The following ANO5 variants were observed in gnomAD, a reference collection of about 807,000 sequenced individuals.
ANO5 encodes the protein anoctamin-5.
ANO5 carries 109 observed loss-of-function variants against 121.0 expected under a neutral mutation model. The ratio of observed to expected loss-of-function variants is 0.90; its 90% CI spans 0.77 to 1.06. The LOEUF is 1.06. Among genes scored for constraint, ANO5 ranks in the 50% least tolerant of loss-of-function variants. The pLI, the probability that ANO5 is intolerant of heterozygous loss-of-function variation, is 0.00. For synonymous variants in ANO5, 406 were observed against 359.9 expected, an observed-to-expected ratio of 1.13 and a Z score of -1.45; for missense variants, 1,064 against 1,078.5, an observed-to-expected ratio of 0.99 and a Z score of 0.19.
At chr11:22,276,609 A>C (rs1854861704) in intron 21 of ANO5, among the ~76,000 whole-genome samples, 1 of 151,762 alleles carries the variant, frequency 6.6e-6, no homozygotes, top group Non-Finnish European at 1.5e-5. Context: ...AGCTGGCTTA[A>C]CGTTAACTAA....
intron 7 of ANO5, among the ~76,000 whole-genome samples, chr11:22,233,407 T>A (rs911788374): frequency 4.6e-5 from 7 of 151,876 alleles, no homozygotes; most frequent in African/African-American, 1.2e-4. Context: ...ATTTAAAAAA[T>A]ATATATAAAT....
intron 8 of ANO5, among the ~76,000 whole-genome samples, chr11:22,238,827 G>A (rs1293582884): frequency 1.3e-5 from 2 of 151,978 alleles, no homozygotes; most frequent in Middle Eastern, 3.4e-3. Flanking sequence ...GTGCCATGTT[G>A]GTGTGCTGCA....
chr11:22,199,653 G>C (rs986413927), intron 1 of ANO5, among the ~76,000 whole-genome samples: 11 of 152,018 alleles, frequency 7.2e-5, no homozygotes, highest in Non-Finnish European at 1.0e-4. Flanking sequence ...AGTGATAAGA[G>C]TGCATTGTTC....
In ANO5 at chr11:22,203,784, CTCTT is replaced by C. The variant is rs746608278; in HGVS notation, c.41-15_41-12del. 8.5e-5 allele frequency: 120 copies of C among 1,415,142 alleles called. 1 individual carries two copies. In the East Asian group the frequency reaches 9.5e-4, roughly 11 times the overall value. The allele number at this position is 1,415,142 out of a possible 1,614,324, so 87.7% of individuals were successfully genotyped here. Reference sequence around the variant, plus strand: ...TCAGTGGCTAATTTAACATGTTTTTCTCTTTCTTATTTAATTTAGGGGAAAAAGT... The same window carrying C: ...TCAGTGGCTAATTTAACATGTTTTTCTCTTATTTAATTTAGGGGAAAAAGT... On this transcript the variant is annotated splice_polypyrimidine_tract_variant and intron_variant, in intron 1 of 21. Coordinates refer to ENST00000324559, the MANE Select transcript of ANO5 (RefSeq NM_213599.3).
At chr11:22,237,313 G>A (rs891075488) in intron 8 of ANO5, among the ~76,000 whole-genome samples, 4 of 152,102 alleles carry the variant, frequency 2.6e-5, no homozygotes, top group African/African-American at 9.7e-5. Context: ...GTTCCCAAAA[G>A]CCCAAAGCCA....
At chr11:22,277,364 CTATT>C (rs754296236) in intron 21 of ANO5, among the ~76,000 whole-genome samples, 14 of 151,644 alleles carry the variant, frequency 9.2e-5, no homozygotes, top group Middle Eastern at 3.4e-3. Flanking sequence ...TTTAGTGTGA[CTATT>C]CATTTACTTT....
intron 1 of ANO5, among the ~76,000 whole-genome samples, chr11:22,203,134 C>CAA (rs1590214628): frequency 1.3e-5 from 2 of 152,060 alleles, no homozygotes; most frequent in African/African-American, 4.8e-5. Context: ...AAAGTGCTAA[C>CAA]ATTTTATGTG....
intron 9 of ANO5, among the ~76,000 whole-genome samples, chr11:22,242,149 G>C (rs138895089): frequency 1.3e-5 from 2 of 151,998 alleles, no homozygotes; most frequent in East Asian, 3.9e-4. Flanking sequence ...TACGGAATCC[G>C]TTCCCCATTG....
At position 22,193,224 on chromosome 11, in the gene ANO5, AGC is replaced by A. The variant is rs1851701450; in HGVS notation, c.-263_-262del. ...CTGAGGGTGGGGAAGCGCAGGGCCA[AGC>A]GCGCGAAGCAGGTTGTGGGGGACCG... On this transcript the variant is annotated 5_prime_UTR_variant, in exon 1 of 22. Transcript: ENST00000324559. 1 of 1,334,642 alleles carries A rather than the reference AGC, an allele frequency of 7.5e-7. No homozygotes were observed. Among genetic ancestry groups the A allele is most frequent in the South Asian group, 1.5e-5 (1 of 65,164 alleles). 82.7% of individuals were successfully genotyped at this position (1,334,642 alleles called of 1,614,324 possible).
At chr11:22,207,811 G>A (rs1203255053) in intron 2 of ANO5, among the ~76,000 whole-genome samples, 1 of 151,858 alleles carries the variant, frequency 6.6e-6, no homozygotes, top group Non-Finnish European at 1.5e-5. Flanking sequence ...GATTTATAAA[G>A]AACCCATAAA....
Position 22,280,917 on chromosome 11 carries a change from G to C in ANO5, c.*1152G>C, listed in dbSNP as rs182690555. 6 of 152,030 alleles carry C rather than the reference G, an allele frequency of 3.9e-5. No homozygotes were observed. The East Asian group carries it at 1.2e-3, about 29-fold the overall frequency. 9.4% of individuals were successfully genotyped at this position (152,030 alleles called of 1,614,324 possible). ...AATTGTCAGTGTAATAACAACTACA[G>C]TCTTGAAAACCAAAAGTGAATCAAC... On this transcript the variant is annotated 3_prime_UTR_variant, in exon 22 of 22. Transcript: ENST00000324559.
Position 22,193,321 on chromosome 11 carries a change from G to GAAGGAGGAGAAGGAGGAGGGGAAT in ANO5, c.-172_-171insAAGGAGGAGAAGGAGGAGGGGAAT. On this transcript the variant is annotated 5_prime_UTR_variant, in exon 1 of 22. The change creates a new upstream start codon in the 5' untranslated region. Transcript: ENST00000324559. ...GGCGCCCAGAGACGGTGGAGTCCGAGGAGGAGGAGAAGGAGGCCTGCAGAA... is the reference window on the plus strand; with the variant it reads ...GGCGCCCAGAGACGGTGGAGTCCGAGAAGGAGGAGAAGGAGGAGGGGAATGAGGAGGAGAAGGAGGCCTGCAGAA... 9.4e-6 allele frequency: 3 copies of GAAGGAGGAGAAGGAGGAGGGGAAT among 320,392 alleles called. No individual in the cohort carries two copies. Among genetic ancestry groups the GAAGGAGGAGAAGGAGGAGGGGAAT allele is most frequent in the East Asian group, 1.6e-4 (2 of 12,832 alleles). 19.8% of individuals were successfully genotyped at this position (320,392 alleles called of 1,614,324 possible).
intron 8 of ANO5, among the ~76,000 whole-genome samples, chr11:22,239,272 G>A (rs1381650656): frequency 1.3e-5 from 2 of 152,022 alleles, no homozygotes; most frequent in East Asian, 1.9e-4. Flanking sequence ...GGCTCTCTGG[G>A]CCGTGAATAT....
intron 3 of ANO5, among the ~76,000 whole-genome samples, chr11:22,212,196 G>T (rs1403277086): frequency 6.6e-6 from 1 of 151,744 alleles, no homozygotes; most frequent in African/African-American, 2.4e-5. Context: ...CTAAACCCTT[G>T]GAAGGGGTAG....
intron 17 of ANO5, among the ~76,000 whole-genome samples, chr11:22,269,707 A>G (rs996520410): frequency 6.6e-6 from 1 of 152,046 alleles, no homozygotes; most frequent in Non-Finnish European, 1.5e-5. Flanking sequence ...AATATATCAA[A>G]TGCATTTTTC....
intron 5 of ANO5, among the ~76,000 whole-genome samples, chr11:22,221,568 C>T (rs2133590326): frequency 6.6e-6 from 1 of 152,042 alleles, no homozygotes; most frequent in East Asian, 1.9e-4. Flanking sequence ...TAATCCATTG[C>T]TCCAGGTATA....
chr11:22,214,810 C>T (rs1314742083), intron 3 of ANO5, among the ~76,000 whole-genome samples: 3 of 151,910 alleles, frequency 2.0e-5, no homozygotes, highest in Non-Finnish European at 2.9e-5. Flanking sequence ...GATAATCCAA[C>T]GTAATATCAC....
At chr11:22,201,080 A>G (rs540886242) in intron 1 of ANO5, among the ~76,000 whole-genome samples, 1 of 152,334 alleles carries the variant, frequency 6.6e-6, no homozygotes, top group East Asian at 1.9e-4. Context: ...ATTACTTATA[A>G]TATGTAATAC....
intron 9 of ANO5, among the ~76,000 whole-genome samples, chr11:22,241,366 C>T (rs1853426536): frequency 6.9e-6 from 1 of 145,922 alleles, no homozygotes; most frequent in Admixed American, 6.9e-5. Flanking sequence ...TAGGTGCGTG[C>T]ATCTTTTTGG....
Sources: allele counts gnomAD v4.1 joint callset (sites outside exome capture counted in the v4.1 genomes callset), GRCh38; gene constraint gnomAD v4.1.1; transcripts MANE v1.5; gene names NCBI Gene and HGNC (gene_info 2026-07-23, HGNC 2026-07-21).